The following RARB variants were observed in gnomAD, a reference collection of about 807,000 sequenced individuals.
RARB encodes the protein HBV-activated protein.
A neutral mutation model predicts 51.9 loss-of-function variants in RARB; 17 were observed. That is an observed-to-expected ratio of 0.33 (90% confidence interval 0.22 to 0.49). RARB has a LOEUF of 0.49. RARB is among the 20% of genes least tolerant of loss of function. The pLI, the probability that RARB is intolerant of heterozygous loss-of-function variation, is 0.99. For synonymous variants in RARB, 215 were observed against 195.4 expected, an observed-to-expected ratio of 1.10 and a Z score of -0.84; for missense variants, 369 against 550.8, an observed-to-expected ratio of 0.67 and a Z score of 3.30.
At chr3:25,362,866 G>C (rs972016863) in intron 5 of RARB, among the ~76,000 whole-genome samples, 1 of 152,174 alleles carries the variant, frequency 6.6e-6, no homozygotes, top group Non-Finnish European at 1.5e-5. Context: ...GAGATCACCA[G>C]CCTTCTGCGT....
At chr3:24,894,236 T>C (rs1229947168) in intron 2 of RARB, among the ~76,000 whole-genome samples, 1 of 151,964 alleles carries the variant, frequency 6.6e-6, no homozygotes, top group Non-Finnish European at 1.5e-5. Flanking sequence ...GCATAGTACC[T>C]GATAGGCGAT....
intron 3 of RARB, among the ~76,000 whole-genome samples, chr3:25,536,522 G>A (rs777633605): frequency 1.3e-5 from 2 of 152,158 alleles, no homozygotes; most frequent in African/African-American, 4.8e-5. Context: ...TTGAAGGAGG[G>A]TAAAATGTTT....
intron 3 of RARB, among the ~76,000 whole-genome samples, chr3:25,501,859 T>C (rs1488858086): frequency 2.6e-5 from 4 of 152,216 alleles, no homozygotes; most frequent in Admixed American, 6.5e-5. Flanking sequence ...ATAATGCACT[T>C]TATTAGTGCA....
At chr3:25,516,391 C>G (rs891120558) in intron 3 of RARB, among the ~76,000 whole-genome samples, 3 of 151,940 alleles carry the variant, frequency 2.0e-5, no homozygotes, top group Non-Finnish European at 2.9e-5. Context: ...TATGTGGATT[C>G]CAGTTTAATA....
At chr3:25,266,411 G>T (rs961483577) in intron 5 of RARB, among the ~76,000 whole-genome samples, 1 of 151,742 alleles carries the variant, frequency 6.6e-6, no homozygotes, top group Non-Finnish European at 1.5e-5. Flanking sequence ...CCTTATCTTT[G>T]TTGACCTCAA....
chr3:25,318,523 G>A (rs537065006), intron 5 of RARB, among the ~76,000 whole-genome samples: 11 of 152,160 alleles, frequency 7.2e-5, no homozygotes, highest in African/African-American at 1.2e-4. Flanking sequence ...TGAATGGCTC[G>A]GCCAGTTCAT....
At chr3:24,845,937 A>G (rs1437271681) in intron 1 of RARB, among the ~76,000 whole-genome samples, 1 of 152,218 alleles carries the variant, frequency 6.6e-6, no homozygotes, top group Non-Finnish European at 1.5e-5. Context: ...TACGGTTTAC[A>G]CTATGCAGGC....
chr3:25,156,071 G>A (rs956040921), intron 4 of RARB, among the ~76,000 whole-genome samples: 2 of 152,142 alleles, frequency 1.3e-5, no homozygotes, highest in African/African-American at 4.8e-5. Flanking sequence ...ATTTGTGAGA[G>A]TGCTGTTTGG....
chr3:25,252,024 A>C (rs1164053551), intron 5 of RARB, among the ~76,000 whole-genome samples: 1 of 152,036 alleles, frequency 6.6e-6, no homozygotes, highest in East Asian at 1.9e-4. Context: ...GTTTTGAGTT[A>C]ATTTTTGTAT....
intron 2 of RARB, among the ~76,000 whole-genome samples, chr3:24,941,824 T>C (rs1040300449): frequency 1.3e-5 from 2 of 152,194 alleles, no homozygotes; most frequent in Non-Finnish European, 2.9e-5. Flanking sequence ...AGGATACCAA[T>C]ATCTATAGGA....
chr3:25,374,385 A>G (rs774157218), intron 5 of RARB, among the ~76,000 whole-genome samples: 1 of 152,142 alleles, frequency 6.6e-6, no homozygotes, highest in Non-Finnish European at 1.5e-5. Flanking sequence ...ATCTAAAGAT[A>G]TAGGTAGGGT....
At chr3:25,059,273 G>A (rs1291874920) in intron 2 of RARB, among the ~76,000 whole-genome samples, 2 of 151,546 alleles carry the variant, frequency 1.3e-5, no homozygotes, top group East Asian at 1.9e-4. Context: ...ATACTTGGAT[G>A]CCTATCTATT....
chr3:25,185,358 T>A (rs1243216457), intron 5 of RARB, among the ~76,000 whole-genome samples: 1 of 152,130 alleles, frequency 6.6e-6, no homozygotes, highest in Non-Finnish European at 1.5e-5. Context: ...AAACTTCCTT[T>A]TCTCTTAGGA....
chr3:25,505,886 A>G (rs1697560652), intron 3 of RARB, among the ~76,000 whole-genome samples: 1 of 152,188 alleles, frequency 6.6e-6, no homozygotes, highest in Non-Finnish European at 1.5e-5. Flanking sequence ...AAGGCATAAC[A>G]TTTGGATTAT....
At chr3:25,257,870 A>G (rs899648063) in intron 5 of RARB, among the ~76,000 whole-genome samples, 5 of 152,112 alleles carry the variant, frequency 3.3e-5, no homozygotes, top group Admixed American at 6.6e-5. Flanking sequence ...CTCAGCCTGA[A>G]AAACTCAACC....
chr3:25,321,667 A>C (rs1704573938), intron 5 of RARB, among the ~76,000 whole-genome samples: 1 of 152,042 alleles, frequency 6.6e-6, no homozygotes, highest in South Asian at 2.1e-4. Flanking sequence ...CAGTGAGCCG[A>C]GATCATGCCA....
At chr3:25,462,844 C>T (rs1000156706) in intron 2 of RARB, among the ~76,000 whole-genome samples, 3 of 152,268 alleles carry the variant, frequency 2.0e-5, no homozygotes, top group Middle Eastern at 3.4e-3. Context: ...GGCTTGTTCG[C>T]AGAGGCAGGG....
chr3:24,975,710 C>T (rs187619493), intron 2 of RARB, among the ~76,000 whole-genome samples: 22 of 152,008 alleles, frequency 1.4e-4, no homozygotes, highest in African/African-American at 4.6e-4. Flanking sequence ...TAAAAATAAT[C>T]GCTTGTATTT....
chr3:25,293,431 T>C (rs59129073), intron 5 of RARB, among the ~76,000 whole-genome samples: 2,538 of 152,072 alleles, frequency 0.017, 125 homozygotes, highest in East Asian at 0.13. Flanking sequence ...TTCATTGTTA[T>C]TAACATTTTT....
Sources: allele counts gnomAD v4.1 joint callset (sites outside exome capture counted in the v4.1 genomes callset), GRCh38; gene constraint gnomAD v4.1.1; transcripts MANE v1.5; gene names NCBI Gene and HGNC (gene_info 2026-07-23, HGNC 2026-07-21).